Variants in TAFA5 observed in about 807,000 individuals in gnomAD.
TAFA5 encodes chemokine-like protein TAFA-5.
Under a neutral mutation model 15.3 loss-of-function variants are expected in TAFA5, and 6 were observed. The ratio of observed to expected loss-of-function variants is 0.39; its 90% CI spans 0.21 to 0.77. TAFA5 has a LOEUF of 0.77. TAFA5 is among the 30% of genes least tolerant of loss of function. TAFA5 has a pLI of 0.41. For synonymous variants in TAFA5, 103 were observed against 80.7 expected (o/e 1.28, Z -1.48); for missense variants, 161 against 193.1 (o/e 0.83, Z 0.98).
intron 3 of TAFA5, among the ~76,000 whole-genome samples, chr22:48,725,890 T>G (rs562933491): frequency 1.3e-5 from 2 of 152,276 alleles, no homozygotes; most frequent in South Asian, 4.1e-4. Context: ...AAAACCATAG[T>G]GTTGGAAAGA....
intron 3 of TAFA5, among the ~76,000 whole-genome samples, chr22:48,718,394 T>C (rs1929468973): frequency 6.6e-6 from 1 of 152,066 alleles, no homozygotes; most frequent in South Asian, 2.1e-4. Flanking sequence ...GCTGTGGTTG[T>C]GGAGGGAAGT....
rs376179192 is a variant in TAFA5, at chr22:48,640,278, C to T, written c.113-6319C>T. Among the ~76,000 whole-genome samples, 11 of 152,266 alleles carry T rather than the reference C, an allele frequency of 7.2e-5. No individual in the cohort carries two copies. The East Asian group carries it at 1.2e-3, about 16-fold the overall frequency. ...CTCTGCTGGAGGGTGGAGGGTCCCACGCTGCGTGGGAGCTCAGAGCTGGCG... is the reference window on the plus strand; with the variant it reads ...CTCTGCTGGAGGGTGGAGGGTCCCATGCTGCGTGGGAGCTCAGAGCTGGCG... On this transcript the variant is annotated intron_variant, in intron 1 of 3. Coordinates refer to ENST00000402357, the MANE Select transcript of TAFA5 (RefSeq NM_001082967.3).
chr22:48,643,516 C>T (rs983046317), intron 1 of TAFA5, among the ~76,000 whole-genome samples: 1 of 152,180 alleles, frequency 6.6e-6, no homozygotes, highest in Admixed American at 6.5e-5. Flanking sequence ...CAGTGCGTGG[C>T]ACCTGTGCCC....
chr22:48,612,223 A>G (rs1368099545), intron 1 of TAFA5, among the ~76,000 whole-genome samples: 1 of 152,062 alleles, frequency 6.6e-6, no homozygotes, highest in African/African-American at 2.4e-5. Context: ...TGTAATCCTT[A>G]TAGAAACAAA....
intron 1 of TAFA5, among the ~76,000 whole-genome samples, chr22:48,496,978 C>A (rs1928348249): frequency 6.6e-6 from 1 of 152,218 alleles, no homozygotes; most frequent in African/African-American, 2.4e-5. Flanking sequence ...CACCTCCCAG[C>A]CACCAGGGGA....
At chr22:48,554,188 G>T (rs1477148038) in intron 1 of TAFA5, among the ~76,000 whole-genome samples, 1 of 152,158 alleles carries the variant, frequency 6.6e-6, no homozygotes, top group African/African-American at 2.4e-5. Flanking sequence ...CGGCAAAAAT[G>T]TCCCCAGGGA....
At chr22:48,503,028 C>T (rs1258392985) in intron 1 of TAFA5, among the ~76,000 whole-genome samples, 2 of 152,192 alleles carry the variant, frequency 1.3e-5, no homozygotes, top group Non-Finnish European at 1.5e-5. Flanking sequence ...GGTCCCAGAT[C>T]CACGCGGGAC....
At chr22:48,614,663 A>T (rs1238088141) in intron 1 of TAFA5, among the ~76,000 whole-genome samples, 1 of 152,286 alleles carries the variant, frequency 6.6e-6, no homozygotes, top group Non-Finnish European at 1.5e-5. Flanking sequence ...GACCTTTGTA[A>T]AAGCTCCTCT....
chr22:48,639,362 AC>A (rs963914362), intron 1 of TAFA5, among the ~76,000 whole-genome samples: 1 of 152,150 alleles, frequency 6.6e-6, no homozygotes, highest in Admixed American at 6.5e-5. Context: ...GGTAAATGCC[AC>A]CCTCTTGGTC....
At chr22:48,643,978 G>A (rs929631744) in intron 1 of TAFA5, among the ~76,000 whole-genome samples, 7 of 152,212 alleles carry the variant, frequency 4.6e-5, no homozygotes, top group African/African-American at 1.2e-4. Context: ...AAATCACAAC[G>A]TAAGAACGTG....
chr22:48,585,896 G>A lies in TAFA5; in HGVS notation c.113-60701G>A, dbSNP rs539250477. Among the ~76,000 whole-genome samples the A allele has an allele frequency of 3.3e-5, 5 of 152,050 alleles. No individual in the cohort carries two copies. The South Asian group carries it at 1.0e-3, about 32-fold the overall frequency. ...ACCACATGCATGTTATACACACACA[G>A]CCAAACATCATAAACACACGTTACA... On this transcript the variant is annotated intron_variant, in intron 1 of 3. Coordinates refer to ENST00000402357, the MANE Select transcript of TAFA5 (RefSeq NM_001082967.3).
chr22:48,630,419 C>G (rs879760893), intron 1 of TAFA5, among the ~76,000 whole-genome samples: 1 of 152,170 alleles, frequency 6.6e-6, no homozygotes, highest in Non-Finnish European at 1.5e-5. Flanking sequence ...ACTGCTGCCT[C>G]GGCCCTGGCT....
At chr22:48,714,087 G>A (rs1269289681) in intron 3 of TAFA5, among the ~76,000 whole-genome samples, 1 of 152,254 alleles carries the variant, frequency 6.6e-6, no homozygotes, top group East Asian at 1.9e-4. Flanking sequence ...GGGCGGCCCT[G>A]CAGAAGGACA....
At chr22:48,660,141 A>G (rs1363449145) in intron 2 of TAFA5, among the ~76,000 whole-genome samples, 1 of 152,158 alleles carries the variant, frequency 6.6e-6, no homozygotes, top group Non-Finnish European at 1.5e-5. Context: ...TCCCCCCAAA[A>G]AAACCCCAGG....
At chr22:48,680,248 T>C (rs143635992) in intron 2 of TAFA5, among the ~76,000 whole-genome samples, 19 of 152,312 alleles carry the variant, frequency 1.2e-4, no homozygotes, top group African/African-American at 4.1e-4. Flanking sequence ...ACTTCCAATT[T>C]GGGGCTCTGT....
At chr22:48,624,444 A>G (rs1431224217) in intron 1 of TAFA5, among the ~76,000 whole-genome samples, 1 of 152,168 alleles carries the variant, frequency 6.6e-6, no homozygotes, top group Non-Finnish European at 1.5e-5. Context: ...ATGAGGACAC[A>G]TCCACTCTAC....
At chr22:48,576,918 GC>G in intron 1 of TAFA5, among the ~76,000 whole-genome samples, 1 of 152,136 alleles carries the variant, frequency 6.6e-6, no homozygotes, top group Admixed American at 6.5e-5. Flanking sequence ...CCGCCCGCAC[GC>G]CGCCGGGCCC....
In TAFA5 at chr22:48,598,505, G is replaced by A. The variant is rs1416934963; in HGVS notation, c.113-48092G>A. Among the ~76,000 whole-genome samples the A allele has an allele frequency of 6.6e-6, 1 of 152,102 alleles. No homozygotes were observed. The highest frequency in any genetic ancestry group is 1.5e-5 in the Non-Finnish European group (1 of 68,022). ...CCTCCTGGTGCCACCTCCTGGGAGA[G>A]TGGCCATTTCGTGGGCCCAGCAGTG... On this transcript the variant is annotated intron_variant, in intron 1 of 3. Transcript: ENST00000402357. The surrounding 1 kb of genome is among the most constrained non-coding windows in gnomAD (Gnocchi z 4.0).
intron 2 of TAFA5, among the ~76,000 whole-genome samples, chr22:48,647,826 G>A (rs1202781734): frequency 2.0e-5 from 3 of 152,176 alleles, no homozygotes; most frequent in Non-Finnish European, 4.4e-5. Flanking sequence ...CAGCCCAGGA[G>A]AGAGTGCAGG....
Sources: gnomAD v4.1 joint callset for allele counts (sites outside exome capture counted in the v4.1 genomes callset) on GRCh38, gnomAD v4.1.1 for gene constraint, Gnocchi (gnomAD v3.1) non-coding constraint, MANE v1.5 for transcripts, NCBI Gene and HGNC (gene_info 2026-07-23, HGNC 2026-07-21) for gene names.